ZFAND4: variants seen among roughly 807,000 people sequenced by gnomAD.
The protein encoded by ZFAND4 is zinc finger AN1-type containing 4.
In ZFAND4, 43 loss-of-function variants were observed where a neutral mutation model predicts 64.4. That is an observed-to-expected ratio of 0.67 (90% CI 0.52 to 0.86). The LOEUF is 0.86. ZFAND4 is among the 40% of genes least tolerant of loss of function. The pLI is 0.00. For missense variants in ZFAND4, 929 were observed against 859.8 expected (o/e 1.08, Z -1.01); for synonymous variants, 296 against 305.7 (o/e 0.97, Z 0.33).
chr10:45,648,198 T>C (rs1589372734), intron 5 of ZFAND4, 96 bp downstream of exon 5: 2 of 1,240,532 alleles, frequency 1.6e-6, no homozygotes, highest in Admixed American at 2.9e-5. Flanking sequence ...TTCAGACTTA[T>C]ATATTGGGGG....
intron 5 of ZFAND4, 33 bp from the exon 6 acceptor site, chr10:45,639,996 T>C: frequency 1.9e-6 from 3 of 1,585,724 alleles, no homozygotes; most frequent in Non-Finnish European, 2.6e-6. Context: ...TTGAAATTTT[T>C]CTGATACCTG....
At chr10:45,624,668 G>C in intron 7 of ZFAND4, 31 bp from the exon 8 acceptor site, 1 of 1,565,342 alleles carries the variant, frequency 6.4e-7, no homozygotes. Context: ...ATCTATAGAG[G>C]TGAGTCAATG....
intron 9 of ZFAND4, 92 bp downstream of exon 9, chr10:45,618,048 T>C: frequency 1.5e-6 from 2 of 1,353,442 alleles, no homozygotes; most frequent in South Asian, 1.4e-5. Flanking sequence ...AATGATGTTA[T>C]AAACAGGCAA....
intron 2 of ZFAND4, among the ~76,000 whole-genome samples, chr10:45,661,024 C>CA (rs894758510): frequency 3.9e-4 from 59 of 152,006 alleles, no homozygotes; most frequent in African/African-American, 1.4e-3. Flanking sequence ...ACATTCTTCA[C>CA]AAAAAACAGG....
In ZFAND4 at chr10:45,663,576, AAC is replaced by A. The variant is rs1393104800; in HGVS notation, c.148_149del (p.Val50TyrfsTer24). 7 of 1,603,548 alleles carry A rather than the reference AAC, an allele frequency of 4.4e-6. No individual in the cohort carries two copies. The highest frequency in any genetic ancestry group is 1.3e-5 in the African/African-American group (1 of 74,298). On this transcript the variant is annotated frameshift_variant, in exon 2 of 10. Transcript: ENST00000344646. LOFTEE classifies it high-confidence loss of function. Reference sequence around the variant, plus strand: ...TTCGAATTTTTGCTTTCACAGAAATAACAGTTTCAAAAGGTGAAACTCTCAGC... The same window carrying A: ...TTCGAATTTTTGCTTTCACAGAAATAAGTTTCAAAAGGTGAAACTCTCAGC... The part of the protein sequence containing the change: ...FELRVSPFET[V>X]ISVKAKIRRL...
chr10:45,661,032 A>C (rs2048439180), intron 2 of ZFAND4, among the ~76,000 whole-genome samples: 1 of 152,148 alleles, frequency 6.6e-6, no homozygotes, highest in South Asian at 2.1e-4. Flanking sequence ...CACAAAAAAC[A>C]GGATGTAGGT....
At chr10:45,667,363 C>T (rs756371873) in intron 1 of ZFAND4, among the ~76,000 whole-genome samples, 5 of 151,672 alleles carry the variant, frequency 3.3e-5, no homozygotes, top group Non-Finnish European at 5.9e-5. Context: ...TTTAAATCTT[C>T]CTAAACGCTC....
rs576706718 is a variant in ZFAND4 at position 45,651,883 on chromosome 10, TA to T, written c.328+82del. On this transcript the variant is annotated intron_variant, in intron 4 of 9. Coordinates refer to ENST00000344646, the MANE Select transcript of ZFAND4 (RefSeq NM_174890.4). Reference sequence around the variant, plus strand: ...AAGACCTAATAGCAGAAAGGAAACCTAAATAAAACCTGAGGCTATAAAAATA... The same window carrying T: ...AAGACCTAATAGCAGAAAGGAAACCTAATAAAACCTGAGGCTATAAAAATA... 1,403 of 1,270,526 alleles carry T rather than the reference TA, an allele frequency of 1.1e-3. 10 individuals are homozygous for T. The highest frequency in any genetic ancestry group is 5.3e-3 in the South Asian group (423 of 80,012). 78.7% of individuals were successfully genotyped at this position (1,270,526 alleles called of 1,614,324 possible).
rs554943967 is a variant in ZFAND4, at chr10:45,657,920, G to A, written c.185-4861C>T. 1.6e-4 allele frequency among the ~76,000 whole-genome samples: 24 copies of A among 152,326 alleles called. No homozygotes were observed. In the South Asian group the frequency reaches 5.0e-3, roughly 32 times the overall value. On this transcript the variant is annotated intron_variant, in intron 2 of 9. Transcript: ENST00000344646. Reference sequence around the variant, plus strand: ...CAGAAACAGATCAGTGGGTATGATAGGGGCTTGGAATAGAGGAAGGGATTG... The same window carrying A: ...CAGAAACAGATCAGTGGGTATGATAAGGGCTTGGAATAGAGGAAGGGATTG...
At chr10:45,663,475 A>G (rs2048609591) in intron 2 of ZFAND4, 67 bp downstream of exon 2, 2 of 1,263,630 alleles carry the variant, frequency 1.6e-6, no homozygotes, top group African/African-American at 3.1e-5. Flanking sequence ...AATACTTTAA[A>G]AACTACTAGA....
At position 45,625,507 on chromosome 10, in the gene ZFAND4, G is replaced by A. The variant is rs529113077; in HGVS notation, c.1872+444C>T. On this transcript the variant is annotated intron_variant, in intron 7 of 9. Coordinates refer to ENST00000344646, the MANE Select transcript of ZFAND4 (RefSeq NM_174890.4). ...AAAAAAAAAAAAAGGGAGAGAGAGAGTGAAATTTGATGACTCAAATAAAAA... is the reference window on the plus strand; with the variant it reads ...AAAAAAAAAAAAAGGGAGAGAGAGAATGAAATTTGATGACTCAAATAAAAA... Among the ~76,000 whole-genome samples the A allele has an allele frequency of 2.3e-3, 343 of 149,336 alleles. 3 individuals carry two copies. The highest frequency in any genetic ancestry group is 7.9e-3 in the African/African-American group (323 of 40,860).
chr10:45,651,031 A>C (rs1232253892), intron 4 of ZFAND4: 2 of 152,210 alleles, frequency 1.3e-5, no homozygotes, highest in African/African-American at 4.8e-5. Flanking sequence ...CAAAATTATT[A>C]AACATAGGGA....
At chr10:45,623,503 A>G (rs2045583373) in intron 8 of ZFAND4, among the ~76,000 whole-genome samples, 1 of 152,234 alleles carries the variant, frequency 6.6e-6, no homozygotes, top group African/African-American at 2.4e-5. Context: ...ATGCTACTAC[A>G]TGGGTAAACT....
At chr10:45,664,354 C>T (rs555122064) in intron 1 of ZFAND4, among the ~76,000 whole-genome samples, 156 of 151,574 alleles carry the variant, frequency 1.0e-3, no homozygotes, top group African/African-American at 3.3e-3. Context: ...CTGCAACCTC[C>T]GCCTCCCGGG....
intron 6 of ZFAND4, among the ~76,000 whole-genome samples, chr10:45,628,896 CA>C (rs74412113): frequency 0.049 from 2,234 of 45,442 alleles, 14 homozygotes; most frequent in African/African-American, 0.12. Context: ...GGAGCTTCAC[CA>C]AAAAAAAAAA....
intron 6 of ZFAND4, among the ~76,000 whole-genome samples, chr10:45,632,626 AAT>A: frequency 6.6e-6 from 1 of 152,176 alleles, no homozygotes; most frequent in South Asian, 2.1e-4. Flanking sequence ...AAATAGTATT[AAT>A]GTAAAGTGAA....
chr10:45,627,062 G>C lies in ZFAND4; in HGVS notation c.761C>G (p.Pro254Arg). 6.3e-7 allele frequency: 1 copy of C among 1,576,332 alleles called. No homozygotes were observed. Among genetic ancestry groups the C allele is most frequent in the Non-Finnish European group, 8.6e-7 (1 of 1,160,412 alleles). ...VKIKPHPPVA[P>R]RPSSGSTAPS... ...TGCAGTGGAACCACTAGAAGGTCGA[G>C]GAGCTACAGGTGGGTGAGGTTTTAT... The change falls in exon 7 of 10, where the codon CCT becomes CGT. Residue 254 changes from proline (P) to arginine (R), a missense_variant. Coordinates refer to ENST00000344646, the MANE Select transcript of ZFAND4 (RefSeq NM_174890.4).
chr10:45,653,034 T>A lies in ZFAND4; in HGVS notation c.210A>T (p.Leu70Phe). ...LEGIPICRQH[L>F]IWNNMELEND... ...TTTCAAGTTCCATGTTATTCCAAAT[T>A]AAGTGTTGTCGACAGATGGGAATAC... Residue 70 changes from leucine to phenylalanine, a missense_variant, in exon 3 of 10, where the codon TTA becomes TTT. Physicochemically the swap from Leu to Phe is conservative, Grantham distance 22 (BLOSUM62 0). Coordinates refer to ENST00000344646, the MANE Select transcript of ZFAND4 (RefSeq NM_174890.4). The A allele has an allele frequency of 6.2e-7, 1 of 1,611,962 alleles. No homozygotes were observed. Among genetic ancestry groups the A allele is most frequent in the Non-Finnish European group, 8.5e-7 (1 of 1,178,950 alleles).
At chr10:45,646,480 GA>G (rs1423106040) in intron 5 of ZFAND4, among the ~76,000 whole-genome samples, 7 of 152,144 alleles carry the variant, frequency 4.6e-5, no homozygotes, top group African/African-American at 1.7e-4. Context: ...TACAAAGGAA[GA>G]AAAAATATAT....
Sources: allele counts gnomAD v4.1 joint callset (sites outside exome capture counted in the v4.1 genomes callset), GRCh38; gene constraint gnomAD v4.1.1; transcripts MANE v1.5; gene names NCBI Gene and HGNC (gene_info 2026-07-23, HGNC 2026-07-21).